Variants in MAP1B observed in about 807,000 individuals in gnomAD.
MAP1B encodes the protein microtubule-associated protein 1B.
MAP1B carries 12 observed loss-of-function variants against 176.1 expected under a neutral mutation model. The ratio of observed to expected loss-of-function variants is 0.07; its 90% CI spans 0.04 to 0.11. MAP1B has a LOEUF of 0.11. Among genes scored for constraint, MAP1B ranks in the 10% least tolerant of loss-of-function variants. MAP1B has a pLI of 1.00. For synonymous variants in MAP1B, 1,044 were observed against 1,135.0 expected (o/e 0.92, Z 1.61); for missense variants, 2,523 against 2,990.5 (o/e 0.84, Z 3.65).
rs576433398 is a variant in MAP1B at position 72,118,433 on chromosome 5, C to T, written c.286+2634C>T. Among the ~76,000 whole-genome samples the T allele has an allele frequency of 2.0e-5, 3 of 152,236 alleles. No individual in the cohort carries two copies. In the East Asian group the frequency reaches 5.8e-4, roughly 29 times the overall value. Reference sequence around the variant, plus strand: ...TGTTAAAAATAGCACCTACAATATACCAGGCATTATAGGGTGCTTGGTGAG... The same window carrying T: ...TGTTAAAAATAGCACCTACAATATATCAGGCATTATAGGGTGCTTGGTGAG... On this transcript the variant is annotated intron_variant, in intron 2 of 6. Coordinates refer to ENST00000296755, the MANE Select transcript of MAP1B (RefSeq NM_005909.5).
intron 2 of MAP1B, among the ~76,000 whole-genome samples, chr5:72,117,573 T>C (rs1745457252): frequency 1.3e-5 from 2 of 152,114 alleles, no homozygotes; most frequent in South Asian, 4.1e-4. Context: ...TCCTGTGGAG[T>C]AGGAAGATCA....
rs973625598 is a variant in MAP1B, at chr5:72,177,245, G to A, written c.287-6498G>A. Among the ~76,000 whole-genome samples, 17 of 152,206 alleles carry A rather than the reference G, an allele frequency of 1.1e-4. No individual in the cohort carries two copies. The East Asian group carries it at 1.2e-3, about 10-fold the overall frequency. ...TCGATCCTTCTCCTGGACCCTCTCC[G>A]GAGCTCTAAGCTGGGGCACCTGGGA... On this transcript the variant is annotated intron_variant, in intron 2 of 6. Coordinates refer to ENST00000296755, the MANE Select transcript of MAP1B (RefSeq NM_005909.5).
At chr5:72,154,008 A>G (rs1746187963) in intron 2 of MAP1B, among the ~76,000 whole-genome samples, 1 of 152,224 alleles carries the variant, frequency 6.6e-6, no homozygotes, top group African/African-American at 2.4e-5. Context: ...GTTCTTCATT[A>G]AAATACCCTG....
At chr5:72,169,098 A>G (rs1232319124) in intron 2 of MAP1B, among the ~76,000 whole-genome samples, 4 of 152,236 alleles carry the variant, frequency 2.6e-5, no homozygotes, top group Non-Finnish European at 5.9e-5. Context: ...CCCCATTAAT[A>G]GTGACCTTGT....
At chr5:72,157,200 T>C (rs1411336601) in intron 2 of MAP1B, among the ~76,000 whole-genome samples, 1 of 152,192 alleles carries the variant, frequency 6.6e-6, no homozygotes, top group Non-Finnish European at 1.5e-5. Flanking sequence ...TGACCTACTT[T>C]TCCTACCCAA....
At chr5:72,191,954 A>G (rs999957573) in intron 4 of MAP1B, among the ~76,000 whole-genome samples, 2 of 152,352 alleles carry the variant, frequency 1.3e-5, no homozygotes, top group African/African-American at 2.4e-5. Context: ...TGGTAATTAC[A>G]TACTTTACAT....
intron 2 of MAP1B, among the ~76,000 whole-genome samples, chr5:72,121,567 A>T (rs1467837776): frequency 6.6e-6 from 1 of 152,214 alleles, no homozygotes; most frequent in Non-Finnish European, 1.5e-5. Flanking sequence ...TTGGTTTTCG[A>T]TGGAGAATTA....
chr5:72,180,592 T>C (rs906049719), intron 2 of MAP1B, among the ~76,000 whole-genome samples: 1 of 152,250 alleles, frequency 6.6e-6, no homozygotes, highest in African/African-American at 2.4e-5. Context: ...TTAGCATTCA[T>C]AATAAATGAA....
chr5:72,124,676 G>A lies in MAP1B; in HGVS notation c.286+8877G>A, dbSNP rs547461171. Among the ~76,000 whole-genome samples the A allele has an allele frequency of 5.9e-5, 9 of 152,296 alleles. No individual in the cohort carries two copies. The South Asian group carries it at 6.2e-4, about 11-fold the overall frequency. On this transcript the variant is annotated intron_variant, in intron 2 of 6. Transcript: ENST00000296755. Reference sequence around the variant, plus strand: ...TCATAGAGGGAAGTCCTCTAAACACGCACTTTGCCATTAATCTGGCCATTT... The same window carrying A: ...TCATAGAGGGAAGTCCTCTAAACACACACTTTGCCATTAATCTGGCCATTT...
At chr5:72,109,056 T>TC (rs1425086118) in intron 1 of MAP1B, among the ~76,000 whole-genome samples, 1 of 151,934 alleles carries the variant, frequency 6.6e-6, no homozygotes, top group Non-Finnish European at 1.5e-5. Context: ...CCACTCCCCC[T>TC]CCCCAATAAA....
chr5:72,133,321 C>A (rs1745770324), intron 2 of MAP1B, among the ~76,000 whole-genome samples: 1 of 152,214 alleles, frequency 6.6e-6, no homozygotes, highest in South Asian at 2.1e-4. Context: ...CTCCTCTACC[C>A]CCAGCTCTGT....
intron 2 of MAP1B, among the ~76,000 whole-genome samples, chr5:72,173,870 G>A (rs910134880): frequency 2.6e-5 from 4 of 152,196 alleles, no homozygotes; most frequent in Admixed American, 6.5e-5. Context: ...GGCTCAAGCT[G>A]TAATCACAGT....
intron 2 of MAP1B, among the ~76,000 whole-genome samples, chr5:72,140,158 T>C (rs527537509): frequency 6.6e-6 from 1 of 152,118 alleles, no homozygotes; most frequent in Non-Finnish European, 1.5e-5. Flanking sequence ...AGACGAGGTT[T>C]TCCCATGTTG....
intron 5 of MAP1B, 122 bp downstream of exon 5, chr5:72,200,489 C>T: frequency 8.2e-7 from 1 of 1,218,982 alleles, no homozygotes; most frequent in Non-Finnish European, 1.1e-6. Flanking sequence ...GATGCTTTAC[C>T]TTCCCTGTAC....
At chr5:72,114,198 G>A (rs1282730771) in intron 1 of MAP1B, among the ~76,000 whole-genome samples, 1 of 152,052 alleles carries the variant, frequency 6.6e-6, no homozygotes, top group Non-Finnish European at 1.5e-5. Flanking sequence ...GATGTGCAGT[G>A]AACTGAGTTT....
At position 72,197,045 on chromosome 5, in the gene MAP1B, A is replaced by G. The variant is rs754945389; in HGVS notation, c.3690A>G (p.Glu1230=). ...CTTTACGTGATGCTTACTGCTCTGA[A>G]GTGAAAGCCAGCACCACTTTGGACA... ...RSALRDAYCS[E]VKASTTLDIK... The change falls in exon 5 of 7, where the codon GAA becomes GAG. Residue 1230 remains glutamate (E), a synonymous_variant. Transcript: ENST00000296755. 1 of 1,614,228 alleles carries G rather than the reference A, an allele frequency of 6.2e-7. No homozygotes were observed. The highest frequency in any genetic ancestry group is 8.5e-7 in the Non-Finnish European group (1 of 1,180,036).
At chr5:72,190,771 T>C (rs888298710) in intron 4 of MAP1B, among the ~76,000 whole-genome samples, 1 of 152,202 alleles carries the variant, frequency 6.6e-6, no homozygotes, top group Non-Finnish European at 1.5e-5. Flanking sequence ...TATCACACTG[T>C]TCAGGGGTCC....
intron 2 of MAP1B, among the ~76,000 whole-genome samples, chr5:72,143,164 G>A (rs929041427): frequency 1.3e-5 from 2 of 152,108 alleles, no homozygotes; most frequent in Non-Finnish European, 2.9e-5. Flanking sequence ...TCATAGAGAA[G>A]CTGTATAATT....
intron 2 of MAP1B, among the ~76,000 whole-genome samples, chr5:72,162,952 G>T (rs2112182245): frequency 6.6e-6 from 1 of 152,252 alleles, no homozygotes; most frequent in Non-Finnish European, 1.5e-5. Flanking sequence ...AGCCTCGGCT[G>T]GGTGTGGGGG....
Sources: gnomAD v4.1 joint callset for allele counts (sites outside exome capture counted in the v4.1 genomes callset) on GRCh38, gnomAD v4.1.1 for gene constraint, MANE v1.5 for transcripts, NCBI Gene and HGNC (gene_info 2026-07-23, HGNC 2026-07-21) for gene names.